Variants in ZFAT observed in about 807,000 individuals in gnomAD.
ZFAT encodes the protein zinc finger protein ZFAT.
In ZFAT, 64 loss-of-function variants were observed where a neutral mutation model predicts 117.7. That is an observed-to-expected ratio of 0.54 (90% CI 0.44 to 0.67). The LOEUF is 0.67. ZFAT is among the 30% of genes least tolerant of loss of function. ZFAT has a pLI of 0.00. For synonymous variants in ZFAT, 679 were observed against 615.0 expected (o/e 1.10, Z -1.54); for missense variants, 1,433 against 1,584.5 (o/e 0.90, Z 1.62).
chr8:134,667,878 C>T (rs1832317364), intron 1 of ZFAT, among the ~76,000 whole-genome samples: 1 of 152,168 alleles, frequency 6.6e-6, no homozygotes, highest in Admixed American at 6.5e-5. Flanking sequence ...GGGTGACAGA[C>T]AGCACCTGGA....
chr8:134,696,552 C>T (rs1421710137), intron 1 of ZFAT: 1 of 986,110 alleles, frequency 1.0e-6, no homozygotes, highest in African/African-American at 1.7e-5. Context: ...CAGACTCCTG[C>T]ACTCTCCCAG....
At chr8:134,562,755 T>A (rs1015082849) in intron 11 of ZFAT, among the ~76,000 whole-genome samples, 5 of 152,282 alleles carry the variant, frequency 3.3e-5, no homozygotes, top group Admixed American at 2.6e-4. Flanking sequence ...AAGTTAATAA[T>A]ACATATGTGA....
At chr8:134,584,293 C>T (rs1045774357) in intron 9 of ZFAT, among the ~76,000 whole-genome samples, 2 of 152,144 alleles carry the variant, frequency 1.3e-5, no homozygotes, top group Non-Finnish European at 2.9e-5. Context: ...GATTTCCCTG[C>T]CTCCCTATCA....
intron 2 of ZFAT, among the ~76,000 whole-genome samples, chr8:134,657,173 C>A (rs1034076413): frequency 1.3e-5 from 2 of 152,208 alleles, no homozygotes; most frequent in Admixed American, 6.5e-5. Flanking sequence ...TCCTCACAGA[C>A]CCCCTTGTAA....
chr8:134,590,485 C>T (rs1018857341), intron 7 of ZFAT, 130 bp from the exon 8 acceptor site: 3 of 638,572 alleles, frequency 4.7e-6, no homozygotes, highest in South Asian at 3.8e-5. Flanking sequence ...ACAGTCATCA[C>T]CACCACCACC....
the ZFAT span, among the ~76,000 whole-genome samples, chr8:134,750,835 G>A: frequency 6.6e-6 from 1 of 152,226 alleles, no homozygotes; most frequent in East Asian, 1.9e-4. Context: ...ATGCACCAAA[G>A]GAAAATCTTT....
At chr8:134,802,460 C>T in the ZFAT span, among the ~76,000 whole-genome samples, 7 of 152,238 alleles carry the variant, frequency 4.6e-5, no homozygotes, top group East Asian at 3.9e-4. Context: ...GCCCATGACT[C>T]ATGTAGAAGG....
At chr8:134,574,633 T>C (rs554663379) in intron 10 of ZFAT, among the ~76,000 whole-genome samples, 6 of 152,110 alleles carry the variant, frequency 3.9e-5, no homozygotes, top group Non-Finnish European at 5.9e-5. Context: ...AAAAATTCCT[T>C]GGGATTTAAG....
chr8:134,600,308 G>A (rs944317339), intron 7 of ZFAT, 128 bp downstream of exon 7: 3 of 876,540 alleles, frequency 3.4e-6, no homozygotes, highest in Non-Finnish European at 5.8e-6. Flanking sequence ...GCACAGCTGT[G>A]TAAGGAGAAG....
At chr8:134,539,701 A>AGTTG (rs1822109117) in intron 11 of ZFAT, among the ~76,000 whole-genome samples, 1 of 152,244 alleles carries the variant, frequency 6.6e-6, no homozygotes, top group Non-Finnish European at 1.5e-5. Context: ...GAAGTGGACT[A>AGTTG]GTTGGTACAA....
At chr8:134,512,420 A>G in intron 14 of ZFAT, 55 bp downstream of exon 14, 6 of 1,592,772 alleles carry the variant, frequency 3.8e-6, no homozygotes, top group Non-Finnish European at 5.1e-6. Context: ...GCATTCATTC[A>G]GCATGTCTAG....
At chr8:134,491,554 G>A (rs887482642) in intron 15 of ZFAT, among the ~76,000 whole-genome samples, 2 of 152,176 alleles carry the variant, frequency 1.3e-5, no homozygotes, top group Non-Finnish European at 2.9e-5. Flanking sequence ...CTGTGATCCC[G>A]GCTGGAGACT....
intron 11 of ZFAT, among the ~76,000 whole-genome samples, chr8:134,554,458 T>C (rs557093550): frequency 1.3e-5 from 2 of 152,302 alleles, no homozygotes; most frequent in South Asian, 4.2e-4. Context: ...TTGTCCTACT[T>C]TTATCTCCAG....
the ZFAT span, among the ~76,000 whole-genome samples, chr8:134,771,129 C>A: frequency 9.9e-5 from 15 of 152,218 alleles, no homozygotes; most frequent in Non-Finnish European, 1.5e-4. Flanking sequence ...CACACTCCCT[C>A]CCCTTTTGAA....
At chr8:134,578,540 C>CA (rs1825485627) in intron 10 of ZFAT, among the ~76,000 whole-genome samples, 1 of 151,752 alleles carries the variant, frequency 6.6e-6, no homozygotes, top group Admixed American at 6.6e-5. Flanking sequence ...GGCTTCCACT[C>CA]AGAGTGACAG....
chr8:134,601,438 T>C (rs757454891), intron 6 of ZFAT, 39 bp downstream of exon 6: 1 of 1,563,270 alleles, frequency 6.4e-7, no homozygotes, highest in Admixed American at 1.8e-5. Context: ...AGCATGATGG[T>C]TGTGGACAGG....
At chr8:134,682,307 A>G (rs185380366) in intron 1 of ZFAT, among the ~76,000 whole-genome samples, 195 of 152,344 alleles carry the variant, frequency 1.3e-3, no homozygotes, top group Non-Finnish European at 1.9e-3. Context: ...AAACTCAGAG[A>G]CACTAGCTTC....
the ZFAT span, among the ~76,000 whole-genome samples, chr8:134,791,323 G>A: frequency 6.6e-6 from 1 of 152,132 alleles, no homozygotes; most frequent in Non-Finnish European, 1.5e-5. Context: ...ACCTTCTAAG[G>A]TCTTGGCTTT....
At chr8:134,584,164 C>T (rs755198996) in intron 9 of ZFAT, among the ~76,000 whole-genome samples, 159 bp from the exon 10 acceptor site, 1 of 152,166 alleles carries the variant, frequency 6.6e-6, no homozygotes, top group Non-Finnish European at 1.5e-5. Context: ...TTGGCCCTAA[C>T]ACACCACACA....
Sources: gnomAD v4.1 joint callset for allele counts (sites outside exome capture counted in the v4.1 genomes callset) on GRCh38, gnomAD v4.1.1 for gene constraint, MANE v1.5 for transcripts, NCBI Gene and HGNC (gene_info 2026-07-23, HGNC 2026-07-21) for gene names.